The following NUDT5 variants were observed in gnomAD, a reference collection of about 807,000 sequenced individuals.
NUDT5 encodes the protein nudix hydrolase 5.
In NUDT5, 21 loss-of-function variants were observed where a neutral mutation model predicts 34.1. The ratio of observed to expected loss-of-function variants is 0.62; its 90% confidence interval spans 0.44 to 0.89. NUDT5 has a LOEUF of 0.89. NUDT5 is among the 40% of genes least tolerant of loss of function. NUDT5 has a pLI of 0.00. For synonymous variants in NUDT5, 85 were observed against 97.6 expected (o/e 0.87, Z 0.76); for missense variants, 249 against 274.8 (o/e 0.91, Z 0.66).
intron 1 of NUDT5, among the ~76,000 whole-genome samples, chr10:12,195,005 A>G (rs1223987878): frequency 6.6e-6 from 1 of 152,112 alleles, no homozygotes; most frequent in African/African-American, 2.4e-5. Flanking sequence ...TCTACTAAAA[A>G]CACAAAAATT....
At chr10:12,186,844 C>G (rs767617272) in intron 1 of NUDT5, among the ~76,000 whole-genome samples, 4 of 152,032 alleles carry the variant, frequency 2.6e-5, no homozygotes, top group African/African-American at 7.2e-5. Flanking sequence ...CCATGCTGCT[C>G]TCAACCTCCT....
At chr10:12,189,898 T>C (rs1414827867) in intron 1 of NUDT5, among the ~76,000 whole-genome samples, 1 of 151,492 alleles carries the variant, frequency 6.6e-6, no homozygotes, top group Non-Finnish European at 1.5e-5. Context: ...TCTACAATTT[T>C]TTTTTTTTTT....
Position 12,173,376 on chromosome 10 carries a change from G to T in NUDT5, c.385+342C>A, listed in dbSNP as rs542419359. The stretch of plus-strand genomic sequence containing the variant: ...GGTGTGCGCCACCCGGCTAATTTTT[G>T]TATTTTTAGTAGAGATGGGTTTCAC... On this transcript the variant is annotated intron_variant, in intron 6 of 9. Coordinates refer to ENST00000491614, the MANE Select transcript of NUDT5 (RefSeq NM_014142.4). The surrounding 1 kb of genome is among the most constrained non-coding windows in gnomAD (Gnocchi z 4.7). 6.6e-6 allele frequency among the ~76,000 whole-genome samples: 1 copy of T among 152,238 alleles called. No homozygotes were observed. Among genetic ancestry groups the T allele is most frequent in the South Asian group, 2.1e-4 (1 of 4,828 alleles).
chr10:12,183,573 T>C (rs904087188), intron 3 of NUDT5, among the ~76,000 whole-genome samples: 6 of 152,246 alleles, frequency 3.9e-5, no homozygotes, highest in African/African-American at 1.2e-4. Context: ...TGAATTTTTA[T>C]CACGTGATCT....
In NUDT5 at chr10:12,182,528, G is replaced by A. The variant is rs947950715; in HGVS notation, c.131+2361C>T. ...CAGGAAAAAAACCCTATGTATGGAA[G>A]AATGGACATGACCATGCTATAAATA... On this transcript the variant is annotated intron_variant, in intron 3 of 9. Coordinates refer to ENST00000491614, the MANE Select transcript of NUDT5 (RefSeq NM_014142.4). The surrounding 1 kb of genome is among the most constrained non-coding windows in gnomAD (Gnocchi z 4.3). Among the ~76,000 whole-genome samples, 4 of 152,142 alleles carry A rather than the reference G, an allele frequency of 2.6e-5. No individual in the cohort carries two copies. The highest frequency in any genetic ancestry group is 5.9e-5 in the Non-Finnish European group (4 of 68,038).
chr10:12,173,949 C>G lies in NUDT5; in HGVS notation c.290-136G>C, dbSNP rs1182424194. The G allele has an allele frequency of 3.0e-6, 2 of 661,226 alleles. No individual in the cohort carries two copies. Among genetic ancestry groups the G allele is most frequent in the African/African-American group, 3.6e-5 (2 of 55,480 alleles). 41.0% of individuals were successfully genotyped at this position (661,226 alleles called of 1,614,324 possible). A position where few individuals can be genotyped will look rare whatever the true frequency, so the allele number is the denominator to read the frequency against. On this transcript the variant is annotated intron_variant, in intron 5 of 9. Transcript: ENST00000491614. This position sits in a 1 kb window ranked among gnomAD's most constrained non-coding sequence, Gnocchi z 4.7. The stretch of plus-strand genomic sequence containing the variant: ...TGGTGCGATCTCGGCCCACTGCAAC[C>G]TCCGCCCGTCCAGGTTTAAGCAATT...
In NUDT5 at chr10:12,175,786, T is replaced by C. The variant is rs982100569; in HGVS notation, c.290-1973A>G. On this transcript the variant is annotated intron_variant, in intron 5 of 9. Coordinates refer to ENST00000491614, the MANE Select transcript of NUDT5 (RefSeq NM_014142.4). The surrounding 1 kb of genome is among the most constrained non-coding windows in gnomAD (Gnocchi z 4.8). ...CATCTCTACAAAAAAATACAAAAAATGAGGTGGGAGGATCACCTCAGCCTG... is the reference window on the plus strand; with the variant it reads ...CATCTCTACAAAAAAATACAAAAAACGAGGTGGGAGGATCACCTCAGCCTG... Among the ~76,000 whole-genome samples, 3 of 150,468 alleles carry C rather than the reference T, an allele frequency of 2.0e-5. No homozygotes were observed. Among genetic ancestry groups the C allele is most frequent in the African/African-American group, 7.3e-5 (3 of 40,866 alleles).
Position 12,166,817 on chromosome 10 carries a change from G to A in NUDT5, c.*885C>T. The A allele has an allele frequency of 2.1e-6, 1 of 465,662 alleles. No homozygotes were observed. Among genetic ancestry groups the A allele is most frequent in the Non-Finnish European group, 4.4e-6 (1 of 225,290 alleles). 28.8% of individuals were successfully genotyped at this position (465,662 alleles called of 1,614,324 possible). A position where few individuals can be genotyped will look rare whatever the true frequency, so the allele number is the denominator to read the frequency against. On this transcript the variant is annotated 3_prime_UTR_variant, in exon 10 of 10. Coordinates refer to ENST00000491614, the MANE Select transcript of NUDT5 (RefSeq NM_014142.4). The stretch of plus-strand genomic sequence containing the variant: ...ATGGCCCAGGAACACTGGTAGAACT[G>A]CTAGATGACAGGGTTTCAGGCATGG...
rs1834818518 is a variant in NUDT5, at chr10:12,169,979, G to C, written c.550+738C>G. 3 of 718,286 alleles carry C rather than the reference G, an allele frequency of 4.2e-6. No individual in the cohort carries two copies. The highest frequency in any genetic ancestry group is 7.2e-6 in the Non-Finnish European group (3 of 415,384). The allele number at this position is 718,286 out of a possible 1,614,324, so 44.5% of individuals were successfully genotyped here. A position where few individuals can be genotyped will look rare whatever the true frequency, so the allele number is the denominator to read the frequency against. Reference sequence around the variant, plus strand: ...GATGACAAGTGTCTGCTTCTTTCTAGATGAGTGAAAGGGATTTGCCAGCCC... The same window carrying C: ...GATGACAAGTGTCTGCTTCTTTCTACATGAGTGAAAGGGATTTGCCAGCCC... On this transcript the variant is annotated intron_variant, in intron 9 of 9. Coordinates refer to ENST00000491614, the MANE Select transcript of NUDT5 (RefSeq NM_014142.4). The surrounding 1 kb of genome is among the most constrained non-coding windows in gnomAD (Gnocchi z 4.8).
intron 1 of NUDT5, among the ~76,000 whole-genome samples, chr10:12,191,967 C>T (rs898495911): frequency 6.6e-6 from 1 of 152,152 alleles, no homozygotes; most frequent in African/African-American, 2.4e-5. Flanking sequence ...TCCCGGCCAT[C>T]TGCTGAGGCT....
intron 2 of NUDT5, among the ~76,000 whole-genome samples, chr10:12,185,998 T>C (rs915179045): frequency 2.6e-5 from 4 of 152,204 alleles, no homozygotes; most frequent in African/African-American, 4.8e-5. Flanking sequence ...TTAAGAATTT[T>C]TCTGTTAAGA....
intron 1 of NUDT5, among the ~76,000 whole-genome samples, chr10:12,186,818 G>A (rs1482917130): frequency 1.3e-5 from 2 of 151,638 alleles, no homozygotes; most frequent in African/African-American, 2.4e-5. Context: ...GTAGAGACAG[G>A]GTTTCACCAC....
rs1283452812 is a variant in NUDT5 at position 12,171,696 on chromosome 10, T to C, written c.488-788A>G. Among the ~76,000 whole-genome samples the C allele has an allele frequency of 3.2e-5, 4 of 123,244 alleles. No individual in the cohort carries two copies. The East Asian group carries it at 7.6e-4, about 23-fold the overall frequency. 80.9% of individuals were successfully genotyped at this position (123,244 alleles called of 152,430 possible). ...CAAAAATTAAGATTTATTTTATTTA[T>C]TTATTTATTTATTTATTTATTTATT... On this transcript the variant is annotated intron_variant, in intron 7 of 9. Coordinates refer to ENST00000491614, the MANE Select transcript of NUDT5 (RefSeq NM_014142.4). This position sits in a 1 kb window ranked among gnomAD's most constrained non-coding sequence, Gnocchi z 4.2.
At position 12,170,718 on chromosome 10, in the gene NUDT5, A is replaced by G. The variant is rs1052107063; in HGVS notation, c.549T>C (p.Asp183=). Residue 183 remains aspartate, a splice_region_variant and synonymous_variant, in exon 9 of 10, where the codon GAT becomes GAC. Transcript: ENST00000491614. The surrounding 1 kb of genome is among the most constrained non-coding windows in gnomAD (Gnocchi z 4.9). The part of the protein sequence containing the change: ...LPKNDLLQRL[D]ALVAEEHLTV... ...GGTGGCGGTCTGGAGAATGCTTACC[A>G]TCAAGTCTCTGCAGCAGGTCATTCT... 6.2e-7 allele frequency: 1 copy of G among 1,613,670 alleles called. No homozygotes were observed. The highest frequency in any genetic ancestry group is 1.1e-5 in the South Asian group (1 of 91,062).
rs1475505260 is a variant in NUDT5 at position 12,170,925 on chromosome 10, G to A, written c.488-17C>T. 4.3e-6 allele frequency: 7 copies of A among 1,612,744 alleles called. No individual in the cohort carries two copies. In the South Asian group the frequency reaches 6.6e-5, roughly 15 times the overall value. Reference sequence around the variant, plus strand: ...CTCCATCCCCTGGAAATAAACAGAAGGAAAACATTTCAGCAAGGCCTGGAG... The same window carrying A: ...CTCCATCCCCTGGAAATAAACAGAAAGAAAACATTTCAGCAAGGCCTGGAG... On this transcript the variant is annotated splice_polypyrimidine_tract_variant and intron_variant, in intron 7 of 9. Coordinates refer to ENST00000491614, the MANE Select transcript of NUDT5 (RefSeq NM_014142.4). The surrounding 1 kb of genome is among the most constrained non-coding windows in gnomAD (Gnocchi z 4.9).
intron 1 of NUDT5, among the ~76,000 whole-genome samples, chr10:12,194,996 C>T (rs1835307528): frequency 6.6e-6 from 1 of 152,146 alleles, no homozygotes; most frequent in South Asian, 2.1e-4. Flanking sequence ...AACGCCGTCT[C>T]TACTAAAAAC....
chr10:12,177,698 G>C, intron 5 of NUDT5, 95 bp downstream of exon 5: 1 of 907,092 alleles, frequency 1.1e-6, no homozygotes, highest in Non-Finnish European at 1.8e-6. Flanking sequence ...CACAAGGACA[G>C]ATTAAAAACT....
chr10:12,189,889 C>A (rs1159902270), intron 1 of NUDT5, among the ~76,000 whole-genome samples: 2 of 117,004 alleles, frequency 1.7e-5, no homozygotes, highest in Non-Finnish European at 3.4e-5. Context: ...GTTGAGTGTT[C>A]TACAATTTTT....
intron 6 of NUDT5, 40 bp from the exon 7 acceptor site, chr10:12,172,906 G>T: frequency 7.0e-7 from 1 of 1,429,550 alleles, no homozygotes; most frequent in South Asian, 1.2e-5. Context: ...CAGTCCCTTT[G>T]GCATTTGTTT....
Sources: allele counts gnomAD v4.1 joint callset (sites outside exome capture counted in the v4.1 genomes callset), GRCh38; gene constraint gnomAD v4.1.1; non-coding constraint Gnocchi (gnomAD v3.1); transcripts MANE v1.5; gene names NCBI Gene and HGNC (gene_info 2026-07-23, HGNC 2026-07-21).